The following BBC3 variants were observed in gnomAD, a reference collection of about 807,000 sequenced individuals.
The protein encoded by BBC3 is BCL2 binding component 3, also known as bcl-2-binding component 3.
A neutral mutation model predicts 18.2 loss-of-function variants in BBC3; 5 were observed. The observed-to-expected ratio is 0.27, with a 90% CI of 0.14 to 0.58. The LOEUF is 0.58. Among genes scored for constraint, BBC3 ranks in the 20% least tolerant of loss-of-function variants. BBC3 has a pLI of 0.91. For missense variants in BBC3, 224 were observed against 268.9 expected (o/e 0.83, Z 1.17); for synonymous variants, 119 against 128.0 (o/e 0.93, Z 0.47).
chr19:47,226,498 G>A lies in BBC3; in HGVS notation c.465+66C>T, dbSNP rs1432307295. The A allele has an allele frequency of 5.4e-5, 79 of 1,457,724 alleles. 1 individual carries two copies. Among genetic ancestry groups the A allele is most frequent in the Non-Finnish European group, 6.9e-5 (76 of 1,096,636 alleles). 90.3% of individuals were successfully genotyped at this position (1,457,724 alleles called of 1,614,324 possible). A position where few individuals can be genotyped will look rare whatever the true frequency, so the allele number is the denominator to read the frequency against. ...CAGCAGCTGCCGCACATCTGGCGGGGGCCGCCTGCCGCCCCCTCCTCCGGC... is the reference window on the plus strand; with the variant it reads ...CAGCAGCTGCCGCACATCTGGCGGGAGCCGCCTGCCGCCCCCTCCTCCGGC... On this transcript the variant is annotated intron_variant, in intron 3 of 3. Transcript: ENST00000439096.
At chr19:47,227,773 A>AC in intron 2 of BBC3, among the ~76,000 whole-genome samples, 1 of 149,996 alleles carries the variant, frequency 6.7e-6, no homozygotes, top group Admixed American at 6.6e-5. Context: ...AGGCCTCTCG[A>AC]CCCCTCCCCA....
At chr19:47,226,883 A>G in intron 2 of BBC3, 129 bp from the exon 3 acceptor site, 1 of 832,100 alleles carries the variant, frequency 1.2e-6, no homozygotes, top group South Asian at 2.4e-5. Context: ...CTAGTGAGTC[A>G]ATTTCTCAGC....
chr19:47,226,824 C>T, intron 2 of BBC3, 70 bp from the exon 3 acceptor site: 1 of 1,271,100 alleles, frequency 7.9e-7, no homozygotes, highest in Admixed American at 3.9e-5. Flanking sequence ...CGGCCTGCTC[C>T]CCTCTTTCCC....
chr19:47,228,900 C>T lies in BBC3; in HGVS notation c.-15-454G>A, dbSNP rs901443805. On this transcript the variant is annotated intron_variant, in intron 1 of 3. Transcript: ENST00000439096. This position sits in a 1 kb window ranked among gnomAD's most constrained non-coding sequence, Gnocchi z 5.5. ...CACAGCACACACACAAGGACTCACA[C>T]GGGACTGGCCAGCCTGACCGCCCAC... Among the ~76,000 whole-genome samples, 22 of 151,942 alleles carry T rather than the reference C, an allele frequency of 1.4e-4. No homozygotes were observed. Among genetic ancestry groups the T allele is most frequent in the African/African-American group, 4.8e-4 (20 of 41,318 alleles).
chr19:47,228,509 C>T lies in BBC3; in HGVS notation c.-15-63G>A. The T allele has an allele frequency of 1.6e-6, 2 of 1,221,388 alleles. No individual in the cohort carries two copies. Among genetic ancestry groups the T allele is most frequent in the Non-Finnish European group, 2.0e-6 (2 of 979,204 alleles). The allele number at this position is 1,221,388 out of a possible 1,614,324, so 75.7% of individuals were successfully genotyped here. The stretch of plus-strand genomic sequence containing the variant: ...GTACCAGGGCCCACTGTACCTCCAG[C>T]CTACCCGGGGTTAGGACCCAGATGG... On this transcript the variant is annotated intron_variant, in intron 1 of 3. Transcript: ENST00000439096. The surrounding 1 kb of genome is among the most constrained non-coding windows in gnomAD (Gnocchi z 5.5).
chr19:47,227,487 G>A (rs1162951980), intron 2 of BBC3, among the ~76,000 whole-genome samples: 1 of 152,182 alleles, frequency 6.6e-6, no homozygotes, highest in African/African-American at 2.4e-5. Flanking sequence ...AGTTAGGGAA[G>A]TTTTCTCTTT....
chr19:47,224,353 T>C (rs2058786197), intron 3 of BBC3, among the ~76,000 whole-genome samples: 2 of 152,074 alleles, frequency 1.3e-5, no homozygotes, highest in Admixed American at 6.6e-5. Flanking sequence ...CTGGGTGAGG[T>C]AGCTCAGACC....
At chr19:47,231,700 G>A (rs577208433), upstream of BBC3, among the ~76,000 whole-genome samples, 50 of 152,198 alleles carry the variant, frequency 3.3e-4, no homozygotes, top group South Asian at 9.8e-3. The surrounding 1 kb of genome is among the most constrained non-coding windows in gnomAD (Gnocchi z 4.0). Context: ...CACCCAGACG[G>A]AAATGCACAG....
In BBC3 at chr19:47,228,026, G is replaced by T; in HGVS notation, c.274+132C>A. On this transcript the variant is annotated intron_variant, in intron 2 of 3. Coordinates refer to ENST00000439096, the MANE Select transcript of BBC3 (RefSeq NM_014417.5). The surrounding 1 kb of genome is among the most constrained non-coding windows in gnomAD (Gnocchi z 5.5). ...CTTCTTGCAACACAAAGACCACATT[G>T]GCCACACCCTCCCAGTGGCCCGGCT... 1 of 694,920 alleles carries T rather than the reference G, an allele frequency of 1.4e-6. No homozygotes were observed. Among genetic ancestry groups the T allele is most frequent in the Non-Finnish European group, 2.0e-6 (1 of 506,844 alleles). The allele number at this position is 694,920 out of a possible 1,614,324, so 43.0% of individuals were successfully genotyped here. A position where few individuals can be genotyped will look rare whatever the true frequency, so the allele number is the denominator to read the frequency against.
At position 47,228,384 on chromosome 19, in the gene BBC3, G is replaced by A; in HGVS notation, c.48C>T (p.Gly16=). 1 of 1,231,622 alleles carries A rather than the reference G, an allele frequency of 8.1e-7. No individual in the cohort carries two copies. Among genetic ancestry groups the A allele is most frequent in the Non-Finnish European group, 1.0e-6 (1 of 987,966 alleles). 76.3% of individuals were successfully genotyped at this position (1,231,622 alleles called of 1,614,324 possible). A position where few individuals can be genotyped will look rare whatever the true frequency, so the allele number is the denominator to read the frequency against. Residue 16 remains glycine (G), a synonymous_variant, in exon 2 of 4, where the codon GGC becomes GGT. Coordinates refer to ENST00000439096, the MANE Select transcript of BBC3 (RefSeq NM_014417.5). This position sits in a 1 kb window ranked among gnomAD's most constrained non-coding sequence, Gnocchi z 5.5. ...AGGGGCGCGGGCCGTCGCGGGCCAG[G>A]CCCTCTACGGGCTCCGGGGAGCTGC... ...QEGSSPEPVE[G]LARDGPRPFP... is the part of the protein sequence containing the mutation.
At chr19:47,223,657 C>T (rs892547129) in intron 3 of BBC3, among the ~76,000 whole-genome samples, 3 of 152,150 alleles carry the variant, frequency 2.0e-5, no homozygotes, top group African/African-American at 7.2e-5. Context: ...AAGTGGGGAC[C>T]ACCTAACCTC....
intron 2 of BBC3, 155 bp from the exon 3 acceptor site, chr19:47,226,909 AC>A: frequency 1.5e-6 from 1 of 664,006 alleles, no homozygotes; most frequent in Non-Finnish European, 2.3e-6. Flanking sequence ...CTCCACAGGC[AC>A]CAGAAAGCAA....
At chr19:47,224,963 G>A (rs980096907) in intron 3 of BBC3, among the ~76,000 whole-genome samples, 3 of 151,808 alleles carry the variant, frequency 2.0e-5, no homozygotes, top group South Asian at 4.2e-4. Flanking sequence ...CCAGGCTGGA[G>A]TGCAATGGCA....
chr19:47,230,348 C>T lies in BBC3; in HGVS notation c.-16+581G>A, dbSNP rs2058894676. ...GCGAGACACCTGCAGATCCACAACCCCGCACACGCGCGCTCCCACGGCGGT... is the reference window on the plus strand; with the variant it reads ...GCGAGACACCTGCAGATCCACAACCTCGCACACGCGCGCTCCCACGGCGGT... On this transcript the variant is annotated intron_variant, in intron 1 of 3. Transcript: ENST00000439096. This position sits in a 1 kb window ranked among gnomAD's most constrained non-coding sequence, Gnocchi z 6.7. Among the ~76,000 whole-genome samples, 1 of 152,062 alleles carries T rather than the reference C, an allele frequency of 6.6e-6. No individual in the cohort carries two copies. The highest frequency in any genetic ancestry group is 2.4e-5 in the African/African-American group (1 of 41,438).
intron 1 of BBC3, among the ~76,000 whole-genome samples, chr19:47,229,306 G>T (rs764013937): frequency 6.6e-6 from 1 of 150,404 alleles, no homozygotes; most frequent in Non-Finnish European, 1.5e-5. Flanking sequence ...AGACACCCAC[G>T]GACACACATA....
At chr19:47,232,667 TG>T (rs140410047), upstream of BBC3, 3 of 1,433,216 alleles carry the variant, frequency 2.1e-6, no homozygotes, top group South Asian at 1.3e-5. Flanking sequence ...TGCCCTGCTC[TG>T]GTTTGGTGAG....
In BBC3 at chr19:47,221,405, T is replaced by G. The variant is rs1600231612; in HGVS notation, c.*397A>C. The G allele has an allele frequency of 1.9e-4, 54 of 288,384 alleles. No individual in the cohort carries two copies. The highest frequency in any genetic ancestry group is 6.3e-4 in the Admixed American group (9 of 14,336). The allele number at this position is 288,384 out of a possible 1,614,324, so 17.9% of individuals were successfully genotyped here. On this transcript the variant is annotated 3_prime_UTR_variant, in exon 4 of 4. Coordinates refer to ENST00000439096, the MANE Select transcript of BBC3 (RefSeq NM_014417.5). ...CAGGGGCCTGAGGCCAGGCCCAGAG[T>G]GAAGGAGCACCGAGAGGAGAGCCCC...
chr19:47,221,914 T>C lies in BBC3; in HGVS notation c.470A>G (p.Gln157Arg). 1.4e-5 allele frequency: 23 copies of C among 1,601,670 alleles called. No homozygotes were observed. The highest frequency in any genetic ancestry group is 2.0e-5 in the Non-Finnish European group (23 of 1,174,748). The change falls in exon 4 of 4, where the codon CAA (glutamine) becomes CGA (arginine). Residue 157 changes from glutamine to arginine, a missense_variant. Gln to Arg is a conservative substitution (Grantham distance 43, BLOSUM62 1). Coordinates refer to ENST00000439096, the MANE Select transcript of BBC3 (RefSeq NM_014417.5). ...DLNAQYERRR[Q>R]EEQQRHRPSP... is the part of the protein sequence containing the mutation. ...GGGGCGGTGCCGCTGCTGCTCCTCT[T>C]GTCTCTGGGGAAAAGAGAGAGAAGG... is the stretch of plus-strand genomic sequence containing the variant.
chr19:47,222,116 C>A, intron 3 of BBC3, 198 bp from the exon 4 acceptor site: 1 of 531,562 alleles, frequency 1.9e-6, no homozygotes, highest in Non-Finnish European at 3.3e-6. Context: ...AGGACAAACA[C>A]GGAATGCCTT....
Sources: gnomAD v4.1 joint callset for allele counts (sites outside exome capture counted in the v4.1 genomes callset) on GRCh38, gnomAD v4.1.1 for gene constraint, Gnocchi (gnomAD v3.1) non-coding constraint, MANE v1.5 for transcripts, NCBI Gene and HGNC (gene_info 2026-07-23, HGNC 2026-07-21) for gene names.